The following TDRD3 variants were observed in gnomAD, a reference collection of about 807,000 sequenced individuals.
TDRD3 encodes tudor domain-containing protein 3.
TDRD3 carries 45 observed loss-of-function variants against 86.7 expected under a neutral mutation model. The ratio of observed to expected loss-of-function variants is 0.52; its 90% CI spans 0.41 to 0.67. The LOEUF (loss-of-function observed/expected upper bound fraction) is 0.67. Among genes scored for constraint, TDRD3 ranks in the 30% least tolerant of loss-of-function variants. TDRD3 has a pLI of 0.00. For missense variants in TDRD3, 814 were observed against 889.0 expected (o/e 0.92, Z 1.07); for synonymous variants, 298 against 301.7 (o/e 0.99, Z 0.13).
At chr13:60,397,132 C>CG, upstream of TDRD3, 2 of 384,842 alleles carry the variant, frequency 5.2e-6, no homozygotes. Flanking sequence ...CCCGGAGCTC[C>CG]GCAGCCTGGG....
At chr13:60,429,504 G>C (rs2137908264) in intron 1 of TDRD3, among the ~76,000 whole-genome samples, 1 of 152,178 alleles carries the variant, frequency 6.6e-6, no homozygotes, top group South Asian at 2.1e-4. Flanking sequence ...TAAATGGCAG[G>C]TTGAACAAAA....
intron 12 of TDRD3, among the ~76,000 whole-genome samples, chr13:60,540,040 T>C (rs1957775981): frequency 6.6e-6 from 1 of 152,144 alleles, no homozygotes; most frequent in Non-Finnish European, 1.5e-5. Context: ...TAGTAAACAA[T>C]ACAAGCACCT....
At chr13:60,513,465 C>G (rs547904998) in intron 10 of TDRD3, among the ~76,000 whole-genome samples, 1 of 152,312 alleles carries the variant, frequency 6.6e-6, no homozygotes, top group African/African-American at 2.4e-5. Context: ...ATTTTCTTTT[C>G]TATCACATTG....
intron 3 of TDRD3, among the ~76,000 whole-genome samples, chr13:60,453,845 G>A (rs1478816363): frequency 1.3e-5 from 2 of 152,164 alleles, no homozygotes; most frequent in African/African-American, 4.8e-5. Context: ...TGCTTCTTGA[G>A]CTGGCTTGGA....
At chr13:60,552,629 A>G (rs1452234105) in intron 12 of TDRD3, among the ~76,000 whole-genome samples, 1 of 152,184 alleles carries the variant, frequency 6.6e-6, no homozygotes, top group Non-Finnish European at 1.5e-5. Context: ...CTGGAGCCCC[A>G]CATTTCCCCT....
chr13:60,424,654 G>A (rs192310832), intron 1 of TDRD3, among the ~76,000 whole-genome samples: 28 of 152,260 alleles, frequency 1.8e-4, no homozygotes, highest in African/African-American at 5.5e-4. Flanking sequence ...CCCAGCCTGC[G>A]CAACAGAAGG....
intron 4 of TDRD3, among the ~76,000 whole-genome samples, chr13:60,465,426 A>G (rs1300744626): frequency 2.0e-5 from 3 of 152,220 alleles, no homozygotes; most frequent in Admixed American, 2.0e-4. Context: ...TACATTTACC[A>G]CCACAGCTCT....
chr13:60,521,314 TTCTG>T (rs1219786684), intron 10 of TDRD3, among the ~76,000 whole-genome samples: 1 of 152,224 alleles, frequency 6.6e-6, no homozygotes, highest in Non-Finnish European at 1.5e-5. Flanking sequence ...TTTTCAGTAA[TTCTG>T]TCTTTCTTTC....
At chr13:60,415,414 C>T (rs898153449) in intron 1 of TDRD3, among the ~76,000 whole-genome samples, 7 of 151,956 alleles carry the variant, frequency 4.6e-5, no homozygotes, top group Non-Finnish European at 7.4e-5. Flanking sequence ...AGAATCTTTA[C>T]GCTTCAGCCA....
At chr13:60,398,158 G>C (rs1953992227) in intron 1 of TDRD3, among the ~76,000 whole-genome samples, 1 of 152,242 alleles carries the variant, frequency 6.6e-6, no homozygotes, top group Admixed American at 6.5e-5. Context: ...CATTACGGTT[G>C]TAATCATCCC....
intron 1 of TDRD3, among the ~76,000 whole-genome samples, chr13:60,428,764 A>C (rs1233153955): frequency 1.3e-5 from 2 of 152,172 alleles, no homozygotes; most frequent in Admixed American, 6.5e-5. Flanking sequence ...GTGTTGACAG[A>C]CTTCAGTCTT....
intron 8 of TDRD3, among the ~76,000 whole-genome samples, chr13:60,500,653 G>A (rs111816243): frequency 3.9e-5 from 6 of 152,228 alleles, no homozygotes; most frequent in African/African-American, 4.8e-5. Context: ...CGAAATGTGC[G>A]ATTATATACT....
chr13:60,458,511 GA>G, intron 3 of TDRD3, among the ~76,000 whole-genome samples: 1 of 152,110 alleles, frequency 6.6e-6, no homozygotes, highest in Non-Finnish European at 1.5e-5. Flanking sequence ...TCCAGATATC[GA>G]ATATTGGTAA....
rs903398878 is a variant in TDRD3 at position 60,535,149 on chromosome 13, G to A, written c.2034G>A (p.Met678Ile). 7 of 1,613,928 alleles carry A rather than the reference G, an allele frequency of 4.3e-6. No individual in the cohort carries two copies. The highest frequency in any genetic ancestry group is 1.3e-5 in the African/African-American group (1 of 75,024). ...TTGAAGCCCTCCATTCTTCGGGTATGACAGCAGTTGTTAAATTCATTGACT... is the reference window on the plus strand; with the variant it reads ...TTGAAGCCCTCCATTCTTCGGGTATAACAGCAGTTGTTAAATTCATTGACT... Reference protein sequence around the residue: ...AEVEALHSSGMTAVVKFIDYG... With the variant: ...AEVEALHSSGITAVVKFIDYG... The change falls in exon 12 of 14, where the codon ATG (methionine) becomes ATA (isoleucine). Residue 678 changes from methionine (M) to isoleucine (I), a missense_variant. By Grantham distance (10) the Met-to-Ile change is conservative. Transcript: ENST00000377881.
intron 12 of TDRD3, among the ~76,000 whole-genome samples, chr13:60,549,613 T>A (rs1407471841): frequency 6.6e-6 from 1 of 152,134 alleles, no homozygotes; most frequent in Non-Finnish European, 1.5e-5. Flanking sequence ...TGGACAAACG[T>A]GAGAGATATC....
chr13:60,447,032 C>T (rs1378883473), intron 3 of TDRD3, among the ~76,000 whole-genome samples: 4 of 152,158 alleles, frequency 2.6e-5, no homozygotes, highest in Non-Finnish European at 4.4e-5. Flanking sequence ...AGTAATCTGC[C>T]TATCTCTTGA....
intron 2 of TDRD3, among the ~76,000 whole-genome samples, chr13:60,440,762 A>G (rs1955244594): frequency 6.6e-6 from 1 of 152,176 alleles, no homozygotes. Context: ...GCTTTATAAT[A>G]AGCTATAAAC....
chr13:60,420,719 G>A (rs187798817), intron 1 of TDRD3, among the ~76,000 whole-genome samples: 22 of 152,162 alleles, frequency 1.4e-4, no homozygotes, highest in African/African-American at 3.9e-4. Context: ...GAGGCGGGTG[G>A]ATCATGAGGT....
intron 7 of TDRD3, among the ~76,000 whole-genome samples, chr13:60,489,959 G>A (rs1191831905): frequency 6.6e-6 from 1 of 151,648 alleles, no homozygotes; most frequent in Admixed American, 6.6e-5. Flanking sequence ...CTATTTATTG[G>A]AGCATAGTTA....
Sources: allele counts gnomAD v4.1 joint callset (sites outside exome capture counted in the v4.1 genomes callset), GRCh38; gene constraint gnomAD v4.1.1; transcripts MANE v1.5; gene names NCBI Gene and HGNC (gene_info 2026-07-23, HGNC 2026-07-21).